Variants in TMCO4 observed in about 807,000 individuals in gnomAD.
TMCO4 encodes transmembrane and coiled-coil domain-containing protein 4.
In TMCO4, 58 loss-of-function variants were observed where a neutral mutation model predicts 64.7. The observed-to-expected ratio is 0.90, with a 90% CI of 0.73 to 1.12. The LOEUF (loss-of-function observed/expected upper bound fraction) is 1.12, where lower values mean the gene tolerates loss of function less well. Among genes scored for constraint, TMCO4 ranks in the 50% most tolerant of loss-of-function variants. The pLI is 0.00. For synonymous variants in TMCO4, 325 were observed against 346.1 expected (o/e 0.94, Z 0.68); for missense variants, 780 against 825.9 (o/e 0.94, Z 0.68).
chr1:19,682,786 C>A lies in TMCO4; in HGVS notation c.*254G>T. ...TCTAACCTGTGCTTGGTTGACTCTG[C>A]AGGTCTCTGATGAGGGGGCAGCTGC... On this transcript the variant is annotated 3_prime_UTR_variant, in exon 16 of 16. Coordinates refer to ENST00000294543, the MANE Select transcript of TMCO4 (RefSeq NM_181719.7). 1.4e-6 allele frequency: 1 copy of A among 718,204 alleles called. No homozygotes were observed. 44.5% of individuals were successfully genotyped at this position (718,204 alleles called of 1,614,324 possible). A position where few individuals can be genotyped will look rare whatever the true frequency, so the allele number is the denominator to read the frequency against.
intron 4 of TMCO4, among the ~76,000 whole-genome samples, chr1:19,777,026 CAAAAAAA>C (rs59722797): frequency 9.7e-5 from 8 of 82,782 alleles, no homozygotes; most frequent in African/African-American, 1.4e-4. Flanking sequence ...GACACTGTCT[CAAAAAAA>C]AAAAAAAAAA....
chr1:19,692,591 AAAAG>A lies in TMCO4; in HGVS notation c.1500+1839_1500+1842del, dbSNP rs1399610459. ...TTAAAAATACAAAAAAAAAAAAAAA[AAAAG>A]AATTAGATGGGCGTGGTGGCAGGCG... On this transcript the variant is annotated intron_variant, in intron 15 of 15. Transcript: ENST00000294543. Among the ~76,000 whole-genome samples, 693 of 151,620 alleles carry A rather than the reference AAAAG, an allele frequency of 4.6e-3. 6 individuals carry two copies. The highest frequency in any genetic ancestry group is 0.016 in the African/African-American group (646 of 41,302).
chr1:19,698,412 T>C (rs1290806072), intron 14 of TMCO4, among the ~76,000 whole-genome samples: 1 of 152,222 alleles, frequency 6.6e-6, no homozygotes, highest in Non-Finnish European at 1.5e-5. Flanking sequence ...TGAGTTTCAC[T>C]TCCTCAGGGA....
chr1:19,750,763 C>T (rs2041992347), intron 7 of TMCO4, among the ~76,000 whole-genome samples: 2 of 152,246 alleles, frequency 1.3e-5, no homozygotes, highest in African/African-American at 2.4e-5. Flanking sequence ...CAAGGACCTT[C>T]CCACCTTCCT....
Position 19,683,100 on chromosome 1 carries a change from G to A in TMCO4, c.1845C>T (p.Asn615=), listed in dbSNP as rs1381147626. The A allele has an allele frequency of 6.2e-7, 1 of 1,611,736 alleles. No individual in the cohort carries two copies. The highest frequency in any genetic ancestry group is 8.5e-7 in the Non-Finnish European group (1 of 1,179,010). The change falls in exon 16 of 16, where the codon AAC becomes AAT. Residue 615 remains asparagine, a synonymous_variant. Transcript: ENST00000294543. ...PPICSHGMDP[N]PLGCPDCACK... is the part of the protein sequence containing the mutation. ...AGGCACAATCGGGGCAGCCCAGTGG[G>A]TTGGGGTCCATGCCATGGCTGCAGA...
At chr1:19,777,267 G>GTGATGTAT (rs1383185656) in intron 4 of TMCO4, among the ~76,000 whole-genome samples, 6 of 151,800 alleles carry the variant, frequency 4.0e-5, no homozygotes, top group African/African-American at 1.5e-4. Context: ...CTGTGAGGGT[G>GTGATGTAT]TGATGTATGG....
chr1:19,728,708 G>A lies in TMCO4; in HGVS notation c.1264+8664C>T, dbSNP rs564271387. 2.6e-5 allele frequency among the ~76,000 whole-genome samples: 4 copies of A among 152,324 alleles called. No homozygotes were observed. In the East Asian group the frequency reaches 5.8e-4, roughly 22 times the overall value. On this transcript the variant is annotated intron_variant, in intron 13 of 15. Transcript: ENST00000294543. Reference sequence around the variant, plus strand: ...TCCGTCTGCATGAAGGCCCCTTGGCGAAGCTCCTGGGTTCCCGGGCACCAT... The same window carrying A: ...TCCGTCTGCATGAAGGCCCCTTGGCAAAGCTCCTGGGTTCCCGGGCACCAT...
At chr1:19,716,510 G>A (rs1455943252) in intron 13 of TMCO4, among the ~76,000 whole-genome samples, 2 of 151,302 alleles carry the variant, frequency 1.3e-5, no homozygotes, top group African/African-American at 2.4e-5. Context: ...GATTACAGGC[G>A]TGAGCCACCA....
intron 13 of TMCO4, among the ~76,000 whole-genome samples, chr1:19,715,444 T>C (rs868122703): frequency 1.3e-4 from 20 of 152,280 alleles, no homozygotes; most frequent in African/African-American, 3.1e-4. Flanking sequence ...CTGGTTTTCA[T>C]TGGGAAGGTT....
chr1:19,690,501 C>T (rs1178221771), intron 15 of TMCO4, among the ~76,000 whole-genome samples: 1 of 152,260 alleles, frequency 6.6e-6, no homozygotes, highest in Non-Finnish European at 1.5e-5. Flanking sequence ...GGAGCTTGCT[C>T]TTGTGTCGGT....
chr1:19,772,948 GA>G (rs2043050116), intron 4 of TMCO4, among the ~76,000 whole-genome samples: 1 of 152,204 alleles, frequency 6.6e-6, no homozygotes, highest in African/African-American at 2.4e-5. Flanking sequence ...CCAACGCTTT[GA>G]GAAGTGGGGC....
intron 15 of TMCO4, among the ~76,000 whole-genome samples, chr1:19,690,075 G>A (rs2095180084): frequency 6.6e-6 from 1 of 152,242 alleles, no homozygotes; most frequent in Non-Finnish European, 1.5e-5. Context: ...CAGCCACATT[G>A]TGGGGACTTT....
chr1:19,747,297 G>A (rs1215894505), intron 7 of TMCO4, 37 bp from the exon 8 acceptor site: 4 of 1,576,642 alleles, frequency 2.5e-6, no homozygotes, highest in East Asian at 4.5e-5. Context: ...GGCCAGCTGT[G>A]CCCAGGATCC....
chr1:19,741,742 C>T (rs9700234), intron 10 of TMCO4, among the ~76,000 whole-genome samples: 25,255 of 141,902 alleles, frequency 0.18, 2,772 homozygotes, highest in African/African-American at 0.3. Context: ...TTCTTTCTTT[C>T]TTTTTTTTTT....
chr1:19,780,034 A>G (rs1228085074), intron 4 of TMCO4, among the ~76,000 whole-genome samples: 2 of 152,192 alleles, frequency 1.3e-5, no homozygotes, highest in Non-Finnish European at 2.9e-5. Flanking sequence ...GACTGGTTTC[A>G]GGGAAGACAA....
intron 15 of TMCO4, among the ~76,000 whole-genome samples, chr1:19,691,072 G>A (rs909732115): frequency 6.6e-6 from 1 of 152,046 alleles, no homozygotes; most frequent in African/African-American, 2.4e-5. Context: ...GTTTCACTGT[G>A]TTAGCCAGGA....
At position 19,740,916 on chromosome 1, in the gene TMCO4, GGCA is replaced by G. The variant is rs779908202; in HGVS notation, c.900_902del (p.Ala301del). 1.1e-5 allele frequency: 17 copies of G among 1,612,856 alleles called. No individual in the cohort carries two copies. The East Asian group carries it at 2.5e-4, about 23-fold the overall frequency. On this transcript the variant is annotated inframe_deletion, in exon 11 of 16. Coordinates refer to ENST00000294543, the MANE Select transcript of TMCO4 (RefSeq NM_181719.7). Reference sequence around the variant, plus strand: ...AGTACTGCTCACGGCTGTGGGCCAGGGCAGCCCACGGGGCACTGAAGGTGCCTG... The same window carrying G: ...AGTACTGCTCACGGCTGTGGGCCAGGGCCCACGGGGCACTGAAGGTGCCTG...
chr1:19,742,514 C>T (rs1052017507), intron 10 of TMCO4, among the ~76,000 whole-genome samples: 1 of 152,320 alleles, frequency 6.6e-6, no homozygotes, highest in African/African-American at 2.4e-5. Context: ...GCCCCCCTCC[C>T]TCTGGGGGGA....
intron 3 of TMCO4, among the ~76,000 whole-genome samples, chr1:19,781,949 A>G (rs1165674858): frequency 6.6e-6 from 1 of 152,232 alleles, no homozygotes; most frequent in African/African-American, 2.4e-5. Context: ...CCTGGCTGCA[A>G]ACAGAACTTT....
Sources: gnomAD v4.1 joint callset for allele counts (sites outside exome capture counted in the v4.1 genomes callset) on GRCh38, gnomAD v4.1.1 for gene constraint, MANE v1.5 for transcripts, NCBI Gene and HGNC (gene_info 2026-07-23, HGNC 2026-07-21) for gene names.